The following SPATA13 variants were observed in gnomAD, a reference collection of about 807,000 sequenced individuals.
SPATA13 encodes the protein spermatogenesis associated 13.
A neutral mutation model predicts 104.0 loss-of-function variants in SPATA13; 50 were observed. That is an observed-to-expected ratio of 0.48 (90% CI 0.38 to 0.61). The LOEUF (loss-of-function observed/expected upper bound fraction) is 0.61, where lower values mean the gene tolerates loss of function less well. Among genes scored for constraint, SPATA13 ranks in the 20% least tolerant of loss-of-function variants. SPATA13 has a pLI of 0.00. For missense variants in SPATA13, 1,524 were observed against 1,690.6 expected, an observed-to-expected ratio of 0.90 and a Z score of 1.73; for synonymous variants, 606 against 667.5, an observed-to-expected ratio of 0.91 and a Z score of 1.42.
intron 3 of SPATA13, among the ~76,000 whole-genome samples, chr13:24,076,532 G>A (rs936041363): frequency 6.6e-6 from 1 of 151,996 alleles, no homozygotes; most frequent in Non-Finnish European, 1.5e-5. Flanking sequence ...AAAGCTCCTC[G>A]TTAACTGAGA....
Position 24,297,745 on chromosome 13 carries a change from C to T in SPATA13, c.3583+10C>T, listed in dbSNP as rs749633408. 3 of 1,601,522 alleles carry T rather than the reference C, an allele frequency of 1.9e-6. No homozygotes were observed. The highest frequency in any genetic ancestry group is 2.6e-6 in the Non-Finnish European group (3 of 1,172,662). ...GAGGACAAGGAGATGGGTGAGCAGC[C>T]CTTGGCTCTGCAGGCACCTGTGCCT... On this transcript the variant is annotated intron_variant, in intron 11 of 12. Transcript: ENST00000382108.
chr13:24,173,403 G>T (rs1444409910), intron 1 of SPATA13, among the ~76,000 whole-genome samples: 2 of 139,938 alleles, frequency 1.4e-5, no homozygotes, highest in African/African-American at 5.5e-5. Flanking sequence ...TGTGTGTGTG[G>T]TAGATTTCTT....
intron 1 of SPATA13, among the ~76,000 whole-genome samples, chr13:24,173,116 C>T (rs1044159124): frequency 6.6e-6 from 1 of 152,140 alleles, no homozygotes; most frequent in Non-Finnish European, 1.5e-5. Context: ...CTTGCTCCGT[C>T]ATCCAGGCTG....
intron 3 of SPATA13, among the ~76,000 whole-genome samples, chr13:24,095,117 C>T (rs1421650848): frequency 6.6e-6 from 1 of 152,192 alleles, no homozygotes; most frequent in African/African-American, 2.4e-5. Context: ...ATGTTCACAG[C>T]AGTGTTATTC....
chr13:24,123,583 C>A, intron 3 of SPATA13: 2 of 1,608,910 alleles, frequency 1.2e-6, no homozygotes. Flanking sequence ...TGCAGTACCT[C>A]TTTCCTCTTA....
At chr13:24,070,490 C>T (rs1241210606) in intron 3 of SPATA13, among the ~76,000 whole-genome samples, 2 of 152,200 alleles carry the variant, frequency 1.3e-5, no homozygotes, top group Non-Finnish European at 2.9e-5. Context: ...TGTGTCTACT[C>T]TGAGCCAATA....
intron 4 of SPATA13, chr13:24,278,744 A>G (rs775257828): frequency 1.3e-6 from 2 of 1,594,020 alleles, no homozygotes; most frequent in South Asian, 2.3e-5. Context: ...AAACAAAGAA[A>G]GAAACTTGAC....
chr13:23,985,022 A>T (rs1418920345), intron 2 of SPATA13, among the ~76,000 whole-genome samples: 2 of 152,230 alleles, frequency 1.3e-5, no homozygotes, highest in Non-Finnish European at 2.9e-5. Flanking sequence ...GCTTTTAATC[A>T]AAATGCTCAC....
At chr13:24,084,899 G>C (rs1879669640) in intron 3 of SPATA13, among the ~76,000 whole-genome samples, 1 of 152,100 alleles carries the variant, frequency 6.6e-6, no homozygotes, top group Non-Finnish European at 1.5e-5. Context: ...ATAAATTTGA[G>C]TATAGATTAG....
At chr13:24,245,613 A>C (rs1259473902) in intron 2 of SPATA13, among the ~76,000 whole-genome samples, 3 of 130,312 alleles carry the variant, frequency 2.3e-5, no homozygotes, top group African/African-American at 9.2e-5. Flanking sequence ...TTTTTTAGAC[A>C]ACAGGTCTTG....
intron 1 of SPATA13, among the ~76,000 whole-genome samples, chr13:24,213,549 G>A (rs1871137307): frequency 6.6e-6 from 1 of 152,152 alleles, no homozygotes; most frequent in South Asian, 2.1e-4. Context: ...AGAGATGTGA[G>A]CCACCATGCC....
At chr13:24,239,601 A>C (rs998581069) in intron 2 of SPATA13, among the ~76,000 whole-genome samples, 6 of 144,554 alleles carry the variant, frequency 4.2e-5, no homozygotes, top group Non-Finnish European at 9.1e-5. Flanking sequence ...AGGCTGAGGT[A>C]GGAGAATCAC....
chr13:24,062,487 G>T (rs1170563065), intron 3 of SPATA13, among the ~76,000 whole-genome samples: 1 of 152,158 alleles, frequency 6.6e-6, no homozygotes, highest in East Asian at 1.9e-4. Context: ...CACCAGCCCT[G>T]CCGCTCCAGG....
At chr13:24,184,708 T>A (rs1431206737) in intron 1 of SPATA13, among the ~76,000 whole-genome samples, 1 of 152,194 alleles carries the variant, frequency 6.6e-6, no homozygotes, top group Non-Finnish European at 1.5e-5. Flanking sequence ...TGATCTCAGT[T>A]GTGAAGGTCC....
intron 1 of SPATA13, among the ~76,000 whole-genome samples, chr13:24,204,081 G>T (rs933220819): frequency 1.3e-5 from 2 of 152,140 alleles, no homozygotes; most frequent in African/African-American, 4.8e-5. Context: ...GCCACAGGGG[G>T]AGTGTGGCTT....
intron 4 of SPATA13, among the ~76,000 whole-genome samples, chr13:24,283,555 C>T (rs1180551664): frequency 6.6e-6 from 1 of 152,240 alleles, no homozygotes; most frequent in Non-Finnish European, 1.5e-5. Context: ...TAAAAAGCTG[C>T]ACCATCCTTA....
intron 4 of SPATA13, among the ~76,000 whole-genome samples, chr13:24,275,737 C>G (rs1339521293): frequency 6.6e-6 from 1 of 152,168 alleles, no homozygotes; most frequent in Non-Finnish European, 1.5e-5. Context: ...AGTTTGAGAC[C>G]AGCCTGGCCA....
intron 4 of SPATA13, among the ~76,000 whole-genome samples, chr13:24,268,632 G>A (rs1874403181): frequency 6.6e-6 from 1 of 152,038 alleles, no homozygotes; most frequent in Non-Finnish European, 1.5e-5. Flanking sequence ...GGTGGTGTGC[G>A]CCTGTAATCC....
intron 3 of SPATA13, among the ~76,000 whole-genome samples, chr13:24,096,789 G>A (rs146928210): frequency 1.3e-5 from 2 of 152,242 alleles, no homozygotes; most frequent in East Asian, 3.9e-4. Flanking sequence ...AGCTCAGTGG[G>A]CCCAGCCTGG....
Sources: allele counts gnomAD v4.1 joint callset (sites outside exome capture counted in the v4.1 genomes callset), GRCh38; gene constraint gnomAD v4.1.1; transcripts MANE v1.5; gene names NCBI Gene and HGNC (gene_info 2026-07-23, HGNC 2026-07-21).